SLC16A7: variants seen among roughly 807,000 people sequenced by gnomAD.
SLC16A7 encodes the protein monocarboxylate transporter 2.
Under a neutral mutation model 34.9 loss-of-function variants are expected in SLC16A7, and 33 were observed. That is an observed-to-expected ratio of 0.94 (90% CI 0.72 to 1.26). The LOEUF is 1.26. Ranked by LOEUF, SLC16A7 falls within the 50% of genes most tolerant of loss-of-function variation. The probability of loss-of-function intolerance (pLI) is 0.00; values close to 1 mark genes in which losing one functional copy is unlikely to be tolerated. For synonymous variants in SLC16A7, 201 were observed against 206.6 expected (o/e 0.97, Z 0.23); for missense variants, 573 against 578.1 (o/e 0.99, Z 0.09).
At chr12:59,669,621 C>T (rs749912202) in intron 2 of SLC16A7, among the ~76,000 whole-genome samples, 10 of 148,352 alleles carry the variant, frequency 6.7e-5, no homozygotes, top group Admixed American at 2.0e-4. Flanking sequence ...CTGAAGTTTA[C>T]TGAGGCTCTT....
At chr12:59,779,302 A>C in intron 5 of SLC16A7, 121 bp from the exon 6 acceptor site, 1 of 744,940 alleles carries the variant, frequency 1.3e-6, no homozygotes, top group Non-Finnish European at 2.0e-6. Context: ...TTTATTTTTA[A>C]AGTCTTATTT....
At chr12:59,762,200 G>T (rs1468843335) in intron 3 of SLC16A7, among the ~76,000 whole-genome samples, 1 of 152,020 alleles carries the variant, frequency 6.6e-6, no homozygotes, top group Non-Finnish European at 1.5e-5. Context: ...TGCTATTTGA[G>T]AAATTTTTTA....
At chr12:59,772,806 T>G (rs1408416596) in intron 4 of SLC16A7, among the ~76,000 whole-genome samples, 2 of 152,160 alleles carry the variant, frequency 1.3e-5, no homozygotes, top group Non-Finnish European at 2.9e-5. Flanking sequence ...AATAAATATT[T>G]GCAAATAATC....
At chr12:59,618,328 A>G (rs1879547654) in intron 1 of SLC16A7, among the ~76,000 whole-genome samples, 1 of 151,994 alleles carries the variant, frequency 6.6e-6, no homozygotes. Context: ...CTATACTATT[A>G]TAAATGTAAT....
intron 1 of SLC16A7, among the ~76,000 whole-genome samples, chr12:59,654,584 C>T (rs1252425087): frequency 3.3e-5 from 5 of 151,780 alleles, no homozygotes; most frequent in Non-Finnish European, 7.4e-5. Context: ...TTATTTGTCT[C>T]ACTGAAATGT....
intron 2 of SLC16A7, among the ~76,000 whole-genome samples, chr12:59,689,075 A>G (rs1009938619): frequency 1.3e-5 from 2 of 151,948 alleles, no homozygotes; most frequent in African/African-American, 4.8e-5. Flanking sequence ...ATGCTATCAT[A>G]CAGGTTTATA....
intron 3 of SLC16A7, among the ~76,000 whole-genome samples, chr12:59,767,859 C>T (rs754326381): frequency 1.5e-4 from 22 of 150,254 alleles, no homozygotes; most frequent in Non-Finnish European, 2.1e-4. Context: ...AACCAATCAC[C>T]GCATGTTCTC....
At chr12:59,624,468 T>A (rs1172718486) in intron 1 of SLC16A7, among the ~76,000 whole-genome samples, 1 of 151,770 alleles carries the variant, frequency 6.6e-6, no homozygotes, top group African/African-American at 2.4e-5. Flanking sequence ...TGAGCATGAC[T>A]TTGATCTTTA....
At chr12:59,697,352 TAGA>T (rs1169097566) in intron 2 of SLC16A7, among the ~76,000 whole-genome samples, 5 of 151,994 alleles carry the variant, frequency 3.3e-5, no homozygotes, top group Non-Finnish European at 5.9e-5. Context: ...GATTGATACT[TAGA>T]GGAGGATATG....
chr12:59,682,948 C>A (rs1870861163), intron 2 of SLC16A7, among the ~76,000 whole-genome samples: 1 of 151,960 alleles, frequency 6.6e-6, no homozygotes. Flanking sequence ...TGCCTGTAAT[C>A]CCAGCTACTC....
chr12:59,630,391 G>A (rs987571487), intron 1 of SLC16A7, among the ~76,000 whole-genome samples: 1 of 151,806 alleles, frequency 6.6e-6, no homozygotes, highest in Non-Finnish European at 1.5e-5. Context: ...AGAAGCACTG[G>A]CTATTTACCA....
chr12:59,682,133 A>G (rs1333142562), intron 2 of SLC16A7, among the ~76,000 whole-genome samples: 1 of 152,178 alleles, frequency 6.6e-6, no homozygotes. Flanking sequence ...CCTGTACCTC[A>G]TTTATGGAAA....
intron 5 of SLC16A7, among the ~76,000 whole-genome samples, chr12:59,776,506 C>T (rs1882772632): frequency 6.6e-6 from 1 of 152,202 alleles, no homozygotes; most frequent in African/African-American, 2.4e-5. Context: ...TAAGTATTCA[C>T]TTAGACTCTT....
rs1359716477 is a variant in SLC16A7 at position 59,613,120 on chromosome 12, C to CT, written c.-130+16885dup. Among the ~76,000 whole-genome samples, 12 of 152,234 alleles carry CT rather than the reference C, an allele frequency of 7.9e-5. No homozygotes were observed. In the South Asian group the frequency reaches 2.3e-3, roughly 29 times the overall value. Reference sequence around the variant, plus strand: ...TTATAAAGGAAAGAGGTTTAATTGACTAACAGTTCCACATGGCTGCGAGGC... The same window carrying CT: ...TTATAAAGGAAAGAGGTTTAATTGACTTAACAGTTCCACATGGCTGCGAGGC... On this transcript the variant is annotated intron_variant, in intron 1 of 5. Transcript: ENST00000547379.
At chr12:59,737,800 T>C (rs1877773491) in intron 3 of SLC16A7, among the ~76,000 whole-genome samples, 1 of 152,092 alleles carries the variant, frequency 6.6e-6, no homozygotes, top group African/African-American at 2.4e-5. Flanking sequence ...TGGGGTATGG[T>C]CCTGTTTTTA....
intron 3 of SLC16A7, among the ~76,000 whole-genome samples, chr12:59,710,861 G>C (rs1006249278): frequency 1.3e-5 from 2 of 152,150 alleles, no homozygotes; most frequent in African/African-American, 4.8e-5. Context: ...GAGAAGCAGA[G>C]ACACCAATGT....
At chr12:59,638,508 G>A (rs1471943541) in intron 1 of SLC16A7, among the ~76,000 whole-genome samples, 1 of 152,090 alleles carries the variant, frequency 6.6e-6, no homozygotes, top group Non-Finnish European at 1.5e-5. Flanking sequence ...GACCCAAGAA[G>A]ACAGACCTGA....
Position 59,771,333 on chromosome 12 carries a change from A to C in SLC16A7, c.332A>C (p.Gln111Pro), listed in dbSNP as rs1172384457. 4 of 1,610,812 alleles carry C rather than the reference A, an allele frequency of 2.5e-6. No homozygotes were observed. The highest frequency in any genetic ancestry group is 3.4e-6 in the Non-Finnish European group (4 of 1,178,452). Residue 111 changes from glutamine to proline, a missense_variant, in exon 4 of 6, where the codon CAG becomes CCG. Coordinates refer to ENST00000547379, the MANE Select transcript of SLC16A7 (RefSeq NM_001270623.2). ...VLASFSSSVV[Q>P]LYLTMGFITG... is the part of the protein sequence containing the mutation. ...GCCTCCTTTAGTAGCAGCGTGGTACAGCTGTACCTCACTATGGGATTCATT... is the reference window on the plus strand; with the variant it reads ...GCCTCCTTTAGTAGCAGCGTGGTACCGCTGTACCTCACTATGGGATTCATT...
intron 3 of SLC16A7, among the ~76,000 whole-genome samples, chr12:59,705,779 C>T (rs144474395): frequency 0.023 from 3,477 of 151,922 alleles, 60 homozygotes; most frequent in South Asian, 0.053. Context: ...TGTCTTTTAG[C>T]GTTTTTATTT....
Sources: gnomAD v4.1 joint callset for allele counts (sites outside exome capture counted in the v4.1 genomes callset) on GRCh38, gnomAD v4.1.1 for gene constraint, MANE v1.5 for transcripts, NCBI Gene and HGNC (gene_info 2026-07-23, HGNC 2026-07-21) for gene names.